CERS6: variants seen among roughly 807,000 people sequenced by gnomAD.
The protein encoded by CERS6 is LAG1 homolog, ceramide synthase 6.
CERS6 carries 26 observed loss-of-function variants against 56.8 expected under a neutral mutation model. That is an observed-to-expected ratio of 0.46 (90% CI 0.34 to 0.63). The LOEUF is 0.63. Ranked by LOEUF, CERS6 falls within the 30% of genes least tolerant of loss-of-function variation. The pLI, the probability that CERS6 is intolerant of heterozygous loss-of-function variation, is 0.01. For synonymous variants in CERS6, 164 were observed against 173.3 expected, an observed-to-expected ratio of 0.95 and a Z score of 0.42; for missense variants, 415 against 467.5, an observed-to-expected ratio of 0.89 and a Z score of 1.04.
At chr2:168,663,079 G>A (rs1685673040) in intron 4 of CERS6, among the ~76,000 whole-genome samples, 1 of 152,178 alleles carries the variant, frequency 6.6e-6, no homozygotes, top group Non-Finnish European at 1.5e-5. Flanking sequence ...TCTTTAGGAG[G>A]TTTATGTTGT....
intron 6 of CERS6, among the ~76,000 whole-genome samples, chr2:168,707,321 A>AT (rs1323084232): frequency 6.6e-6 from 1 of 152,156 alleles, no homozygotes; most frequent in African/African-American, 2.4e-5. Context: ...GTTGAAGTAG[A>AT]TTCAATTCTA....
chr2:168,503,653 C>T (rs1694623776), intron 1 of CERS6, among the ~76,000 whole-genome samples: 1 of 152,056 alleles, frequency 6.6e-6, no homozygotes. Context: ...GCTTGCTGTT[C>T]CTGTGGGGCT....
chr2:168,467,789 CAGAGT>C (rs1247266674), intron 1 of CERS6, among the ~76,000 whole-genome samples: 2 of 152,080 alleles, frequency 1.3e-5, no homozygotes, highest in African/African-American at 4.8e-5. Flanking sequence ...TAATTGATAC[CAGAGT>C]ACAGTATTGA....
intron 2 of CERS6, among the ~76,000 whole-genome samples, chr2:168,549,566 C>T (rs1436813744): frequency 5.3e-5 from 8 of 152,082 alleles, no homozygotes; most frequent in Non-Finnish European, 1.0e-4. Context: ...ACCCAGGAGG[C>T]GGAGGTTGCA....
intron 1 of CERS6, among the ~76,000 whole-genome samples, chr2:168,518,854 C>T (rs1279595482): frequency 6.6e-6 from 1 of 152,002 alleles, no homozygotes; most frequent in Non-Finnish European, 1.5e-5. Context: ...TGAGGCTGAC[C>T]GTTGGTATTC....
chr2:168,502,074 G>A (rs1194873174), intron 1 of CERS6, among the ~76,000 whole-genome samples: 2 of 151,830 alleles, frequency 1.3e-5, no homozygotes, highest in Non-Finnish European at 2.9e-5. Flanking sequence ...GACTTACCTG[G>A]GTTGTACTGG....
intron 3 of CERS6, chr2:168,606,552 A>AGTT (rs1014650433): frequency 3.3e-5 from 5 of 152,174 alleles, no homozygotes; most frequent in Non-Finnish European, 5.9e-5. Context: ...GCCTTGTCTC[A>AGTT]GTTGAGACTT....
At chr2:168,642,197 C>T (rs1002907769) in intron 4 of CERS6, among the ~76,000 whole-genome samples, 6 of 151,980 alleles carry the variant, frequency 3.9e-5, no homozygotes, top group African/African-American at 7.3e-5. Flanking sequence ...TGTGACAAAA[C>T]GCCGTCTCTA....
At chr2:168,568,796 A>C (rs972758546) in intron 3 of CERS6, among the ~76,000 whole-genome samples, 5 of 152,242 alleles carry the variant, frequency 3.3e-5, no homozygotes, top group African/African-American at 1.2e-4. Context: ...CATATGCTGC[A>C]TTCCTAAAAA....
chr2:168,476,481 G>A (rs1013166108), intron 1 of CERS6, among the ~76,000 whole-genome samples: 26 of 152,116 alleles, frequency 1.7e-4, no homozygotes, highest in Non-Finnish European at 2.9e-4. Flanking sequence ...TGGATAGATA[G>A]ATGATAGATA....
chr2:168,562,973 G>T (rs549346505), intron 3 of CERS6, among the ~76,000 whole-genome samples: 1 of 152,302 alleles, frequency 6.6e-6, no homozygotes, highest in African/African-American at 2.4e-5. Flanking sequence ...CTCAGCACAT[G>T]TCTACATGCT....
At chr2:168,546,700 A>G (rs1483701025) in intron 1 of CERS6, among the ~76,000 whole-genome samples, 3 of 152,252 alleles carry the variant, frequency 2.0e-5, no homozygotes, top group Non-Finnish European at 4.4e-5. Flanking sequence ...TTCACATGAT[A>G]TGAAATTATC....
chr2:168,774,365 C>T lies in CERS6; in HGVS notation c.*4703C>T, dbSNP rs1449742625. The T allele has an allele frequency of 6.6e-6, 1 of 152,172 alleles. No homozygotes were observed. The highest frequency in any genetic ancestry group is 1.5e-5 in the Non-Finnish European group (1 of 68,040). 9.4% of individuals were successfully genotyped at this position (152,172 alleles called of 1,614,324 possible). A position where few individuals can be genotyped will look rare whatever the true frequency, so the allele number is the denominator to read the frequency against. On this transcript the variant is annotated 3_prime_UTR_variant, in exon 10 of 10. Transcript: ENST00000305747. ...ATTGATTTCCCAATAGCTTGTGGAT[C>T]AGTTGTACACCCACACTTCCTTCTC...
In CERS6 at chr2:168,456,453, C is replaced by T; in HGVS notation, c.5C>T (p.Ala2Val). The T allele has an allele frequency of 5.6e-6, 9 of 1,612,810 alleles. No individual in the cohort carries two copies. The highest frequency in any genetic ancestry group is 7.6e-6 in the Non-Finnish European group (9 of 1,179,264). ...GACAGGAGTGGACAAAGCAAGATGG[C>T]AGGGATCTTAGCCTGGTTCTGGAAC... is the stretch of plus-strand genomic sequence containing the variant. The part of the protein sequence containing the change: M[A>V]GILAWFWNER... Residue 2 changes from alanine (A) to valine (V), a missense_variant, in exon 1 of 10, where the codon GCA (alanine) becomes GTA (valine). Transcript: ENST00000305747. The surrounding 1 kb of genome is among the most constrained non-coding windows in gnomAD (Gnocchi z 4.1).
At chr2:168,717,076 C>G (rs1687243493) in intron 7 of CERS6, among the ~76,000 whole-genome samples, 1 of 152,116 alleles carries the variant, frequency 6.6e-6, no homozygotes, top group Admixed American at 6.5e-5. Flanking sequence ...TTTTTAGAAT[C>G]ATCTGTAAAA....
intron 4 of CERS6, among the ~76,000 whole-genome samples, chr2:168,687,118 A>G (rs1332955448): frequency 6.6e-6 from 1 of 152,212 alleles, no homozygotes; most frequent in Admixed American, 6.5e-5. Flanking sequence ...CACCGTCCCC[A>G]AGTGACACAC....
chr2:168,682,346 A>T (rs1254203230), intron 4 of CERS6, among the ~76,000 whole-genome samples: 1 of 152,208 alleles, frequency 6.6e-6, no homozygotes, highest in Admixed American at 6.5e-5. Flanking sequence ...AATAATTATT[A>T]CTCAGAGATT....
intron 8 of CERS6, among the ~76,000 whole-genome samples, chr2:168,736,318 C>G (rs1683716929): frequency 6.6e-6 from 1 of 152,156 alleles, no homozygotes; most frequent in Non-Finnish European, 1.5e-5. Context: ...AGGACCTTAT[C>G]AGACCCAAGT....
chr2:168,752,725 C>G (rs1054203805), intron 8 of CERS6, among the ~76,000 whole-genome samples: 8 of 152,198 alleles, frequency 5.3e-5, no homozygotes, highest in Non-Finnish European at 1.0e-4. Flanking sequence ...TTCTGCACAC[C>G]GTTCAGTGTG....
Sources: allele counts gnomAD v4.1 joint callset (sites outside exome capture counted in the v4.1 genomes callset), GRCh38; gene constraint gnomAD v4.1.1; non-coding constraint Gnocchi (gnomAD v3.1); transcripts MANE v1.5; gene names NCBI Gene and HGNC (gene_info 2026-07-23, HGNC 2026-07-21).